RMST: variants seen among roughly 807,000 people sequenced by gnomAD.
RMST encodes long intergenic non-protein coding RNA 54.
chr12:97,510,844 T>C (rs555402430), intron 10 of RMST, among the ~76,000 whole-genome samples: 56 of 152,302 alleles, frequency 3.7e-4, no homozygotes, highest in Middle Eastern at 6.8e-3. Context: ...AGGCTGAATG[T>C]TATTTTCCAG....
At chr12:97,537,020 A>G (rs938513524) in intron 11 of RMST, among the ~76,000 whole-genome samples, 1 of 151,498 alleles carries the variant, frequency 6.6e-6, no homozygotes, top group Non-Finnish European at 1.5e-5. Flanking sequence ...TTTGAAAATG[A>G]ATGAAAAAGC....
At chr12:97,475,217 C>T (rs182631060) in intron 5 of RMST, among the ~76,000 whole-genome samples, 147 of 152,226 alleles carry the variant, frequency 9.7e-4, no homozygotes, top group Non-Finnish European at 1.3e-3. Context: ...TGGTTTCAGC[C>T]ATTTTTACCT....
At chr12:97,492,284 C>T (rs1232110148) in intron 5 of RMST, among the ~76,000 whole-genome samples, 1 of 152,134 alleles carries the variant, frequency 6.6e-6, no homozygotes, top group African/African-American at 2.4e-5. Context: ...CTAAACCTGC[C>T]AGAGTGTAAC....
chr12:97,464,265 C>A (rs1057508860), intron 4 of RMST, among the ~76,000 whole-genome samples: 1 of 152,072 alleles, frequency 6.6e-6, no homozygotes, highest in Non-Finnish European at 1.5e-5. Flanking sequence ...TAAAAATGTA[C>A]CAAAAACTTT....
rs17027111 is a variant in RMST, at chr12:97,507,061, C to G, written n.1340+11005C>G. The stretch of plus-strand genomic sequence containing the variant: ...TGTTGGGAATTTCAATATGATGGAG[C>G]TCTGAGTGTACATGTATGTGAGGAA... On this transcript the variant is annotated intron_variant and non_coding_transcript_variant, in intron 10 of 13. Coordinates refer to ENST00000640149, the Ensembl canonical transcript of RMST. Among the ~76,000 whole-genome samples the G allele has an allele frequency of 4.2e-3, 631 of 151,992 alleles. 3 individuals are homozygous for G. Among genetic ancestry groups the G allele is most frequent in the African/African-American group, 0.015 (603 of 41,436 alleles).
rs138641023 is a variant in RMST at position 97,547,682 on chromosome 12, G to A, written n.1546-12855G>A. ...CTTTTCATATACCTGTTGGCCATTC[G>A]TCTGTCTTCTTTTGAGAAATGTCTA... On this transcript the variant is annotated intron_variant and non_coding_transcript_variant, in intron 11 of 13. Transcript: ENST00000640149. 3.0e-3 allele frequency among the ~76,000 whole-genome samples: 462 copies of A among 152,150 alleles called. 1 individual carries two copies. The highest frequency in any genetic ancestry group is 0.01 in the African/African-American group (435 of 41,530).
At chr12:97,523,569 A>G (rs1374272826) in intron 10 of RMST, among the ~76,000 whole-genome samples, 1 of 152,240 alleles carries the variant, frequency 6.6e-6, no homozygotes, top group Admixed American at 6.5e-5. Flanking sequence ...GTATTAAAAC[A>G]TCACACTGTA....
intron 5 of RMST, among the ~76,000 whole-genome samples, chr12:97,484,802 AATTTAC>A (rs1399303844): frequency 1.3e-5 from 2 of 152,228 alleles, no homozygotes; most frequent in African/African-American, 4.8e-5. Flanking sequence ...AGTGCCATAT[AATTTAC>A]AGAGTCTTCC....
At chr12:97,468,915 G>C (rs1215078371) in intron 5 of RMST, among the ~76,000 whole-genome samples, 1 of 151,790 alleles carries the variant, frequency 6.6e-6, no homozygotes, top group Non-Finnish European at 1.5e-5. Context: ...TGTGGCTCTT[G>C]ATTTGTCACC....
chr12:97,462,984 C>T (rs902177410), intron 3 of RMST: 1 of 142,176 alleles, frequency 7.0e-6, no homozygotes, highest in African/African-American at 2.5e-5. Context: ...TTGACTTGGC[C>T]GGAGGTTTTA....
At chr12:97,533,308 C>T (rs977322039) in intron 11 of RMST, 1 of 151,806 alleles carries the variant, frequency 6.6e-6, no homozygotes, top group Non-Finnish European at 1.5e-5. Context: ...TATTCTAGTT[C>T]AGTGCCAACC....
chr12:97,494,547 A>C (rs1877202336), intron 8 of RMST: 1 of 152,146 alleles, frequency 6.6e-6, no homozygotes, highest in Admixed American at 6.5e-5. Context: ...CCACATCGCT[A>C]TAAATAAAAT....
intron 10 of RMST, among the ~76,000 whole-genome samples, chr12:97,518,693 T>C (rs1880189019): frequency 6.6e-6 from 1 of 152,208 alleles, no homozygotes; most frequent in Admixed American, 6.5e-5. Flanking sequence ...ATTCTGTCTC[T>C]GTTCTTTCCT....
chr12:97,506,675 G>GTTTTTTTTTT (rs780505590), intron 10 of RMST, among the ~76,000 whole-genome samples: 2 of 76,946 alleles, frequency 2.6e-5, no homozygotes, highest in Admixed American at 1.7e-4. Context: ...AGGGTAATCT[G>GTTTTTTTTTT]TTTTTTTTTT....
At chr12:97,499,622 T>C (rs1877846143) in intron 10 of RMST, among the ~76,000 whole-genome samples, 3 of 151,162 alleles carry the variant, frequency 2.0e-5, no homozygotes, top group Admixed American at 2.0e-4. Context: ...TTTCTTCTTT[T>C]TCTTTTTTTT....
At chr12:97,495,795 T>G (rs1255882668) in intron 9 of RMST, 1 of 152,162 alleles carries the variant, frequency 6.6e-6, no homozygotes, top group Non-Finnish European at 1.5e-5. Context: ...GTGAAGAAGG[T>G]CTGGGATGAC....
At chr12:97,516,130 T>G (rs933268321) in intron 10 of RMST, among the ~76,000 whole-genome samples, 2 of 152,126 alleles carry the variant, frequency 1.3e-5, no homozygotes, top group Non-Finnish European at 2.9e-5. Flanking sequence ...ACAGAAACTA[T>G]GTCAACAGTA....
chr12:97,497,667 G>T, intron 10 of RMST, among the ~76,000 whole-genome samples: 1 of 149,636 alleles, frequency 6.7e-6, no homozygotes. Flanking sequence ...AGAGAGGTAG[G>T]GCACAAGGAT....
At chr12:97,507,923 C>A (rs938841259) in intron 10 of RMST, among the ~76,000 whole-genome samples, 1 of 152,086 alleles carries the variant, frequency 6.6e-6, no homozygotes, top group African/African-American at 2.4e-5. Flanking sequence ...AAAGTAGACA[C>A]AAGGAAGCGA....
Sources: allele counts gnomAD v4.1 joint callset (sites outside exome capture counted in the v4.1 genomes callset), GRCh38; gene constraint gnomAD v4.1.1; transcripts MANE v1.5; gene names NCBI Gene and HGNC (gene_info 2026-07-23, HGNC 2026-07-21).